Variants in CFAP54 observed in about 807,000 individuals in gnomAD.
The protein encoded by CFAP54 is cilia and flagella associated protein 54.
A neutral mutation model predicts 370.4 loss-of-function variants in CFAP54; 290 were observed. The ratio of observed to expected loss-of-function variants is 0.78; its 90% CI spans 0.71 to 0.86. The LOEUF is 0.86. Among genes scored for constraint, CFAP54 ranks in the 40% least tolerant of loss-of-function variants. The pLI is 0.00. For synonymous variants in CFAP54, 1,206 were observed against 1,236.5 expected (o/e 0.98, Z 0.52); for missense variants, 3,399 against 3,528.7 (o/e 0.96, Z 0.93).
chr12:96,793,890 CT>C (rs1314065600), intron 63 of CFAP54, among the ~76,000 whole-genome samples: 8 of 118,044 alleles, frequency 6.8e-5, no homozygotes, highest in African/African-American at 2.4e-4. Flanking sequence ...CCTTAGCCCA[CT>C]TTTTGATGGG....
At chr12:96,556,408 A>G (rs1955752053) in intron 17 of CFAP54, among the ~76,000 whole-genome samples, 1 of 151,700 alleles carries the variant, frequency 6.6e-6, no homozygotes, top group Non-Finnish European at 1.5e-5. Flanking sequence ...TTTTTTTTCA[A>G]ATTAAATGCT....
chr12:96,828,890 AT>A (rs1343809110), intron 65 of CFAP54, 123 bp from the exon 66 acceptor site: 1 of 491,974 alleles, frequency 2.0e-6, no homozygotes, highest in Admixed American at 3.4e-5. Flanking sequence ...CCTCTGTCTT[AT>A]CCTGGGAACA....
chr12:96,500,285 CAG>C (rs1461930568), intron 1 of CFAP54, among the ~76,000 whole-genome samples: 3 of 152,180 alleles, frequency 2.0e-5, no homozygotes, highest in African/African-American at 4.8e-5. Context: ...CAGTGGTTAA[CAG>C]AGATTAAGCG....
rs1565934522 is a variant in CFAP54 at position 96,664,783 on chromosome 12, A to ATATC, written c.5563+854_5563+855insCTAT. On this transcript the variant is annotated intron_variant, in intron 39 of 67. Transcript: ENST00000524981. ...TATATATCTATATCTATATCTATAT[A>ATATC]TATATATATATATATATATATATAT... Among the ~76,000 whole-genome samples the ATATC allele has an allele frequency of 4.1e-3, 61 of 14,788 alleles. 3 individuals are homozygous for ATATC. Among genetic ancestry groups the ATATC allele is most frequent in the Non-Finnish European group, 5.9e-3 (46 of 7,828 alleles). The allele number at this position is 14,788 out of a possible 152,430, so 9.7% of individuals were successfully genotyped here.
intron 48 of CFAP54, among the ~76,000 whole-genome samples, chr12:96,710,678 A>T (rs1484713755): frequency 1.8e-4 from 27 of 149,100 alleles, no homozygotes; most frequent in Admixed American, 2.7e-4. Flanking sequence ...TTTTTTTTTG[A>T]GATGGAGTTT....
intron 66 of CFAP54, among the ~76,000 whole-genome samples, chr12:96,853,804 T>G (rs1403741225): frequency 6.6e-6 from 1 of 152,124 alleles, no homozygotes. Context: ...ACTGCTTTAT[T>G]TTATCTTTCT....
rs143314566 is a variant in CFAP54 at position 96,538,879 on chromosome 12, A to G, written c.1926+361A>G. Among the ~76,000 whole-genome samples the G allele has an allele frequency of 5.3e-3, 799 of 151,538 alleles. 12 individuals carry two copies. The highest frequency in any genetic ancestry group is 0.018 in the African/African-American group (742 of 41,278). ...TGATCCTCCACAGCTCAGCCTCCCT[A>G]GTAGCTGGGACTACAGGCATACACC... On this transcript the variant is annotated intron_variant, in intron 13 of 67. Coordinates refer to ENST00000524981, the MANE Select transcript of CFAP54 (RefSeq NM_001306084.2).
At chr12:96,522,251 CTA>C in intron 8 of CFAP54, 62 bp downstream of exon 8, 1 of 1,114,920 alleles carries the variant, frequency 9.0e-7, no homozygotes, top group Non-Finnish European at 1.3e-6. Flanking sequence ...TATTATGCTC[CTA>C]TGTCTTTCAA....
chr12:96,846,285 C>T (rs1163321145), intron 66 of CFAP54, among the ~76,000 whole-genome samples: 1 of 152,168 alleles, frequency 6.6e-6, no homozygotes, highest in Non-Finnish European at 1.5e-5. Context: ...CCTTCCAGCC[C>T]CCAGTTATGA....
At chr12:96,754,149 C>G (rs1447851049) in intron 56 of CFAP54, among the ~76,000 whole-genome samples, 2 of 152,110 alleles carry the variant, frequency 1.3e-5, no homozygotes, top group Non-Finnish European at 2.9e-5. Context: ...TCTTCTTACA[C>G]AAAGTTTCAG....
intron 42 of CFAP54, 53 bp from the exon 43 acceptor site, chr12:96,688,863 A>G: frequency 9.4e-7 from 1 of 1,059,904 alleles, no homozygotes; most frequent in Admixed American, 2.2e-5. Context: ...TTTATATCAA[A>G]ATGTTTTTGG....
At chr12:96,771,665 A>T (rs1958464271) in intron 60 of CFAP54, among the ~76,000 whole-genome samples, 1 of 152,138 alleles carries the variant, frequency 6.6e-6, no homozygotes, top group South Asian at 2.1e-4. Context: ...AACAAAAAAC[A>T]AACAAACAAA....
rs1330049251 is a variant in CFAP54 at position 96,658,088 on chromosome 12, G to C, written c.5307G>C (p.Gln1769His). 1 of 1,612,398 alleles carries C rather than the reference G, an allele frequency of 6.2e-7. No homozygotes were observed. The highest frequency in any genetic ancestry group is 1.1e-5 in the South Asian group (1 of 90,912). Residue 1769 changes from glutamine (Q) to histidine (H), a missense_variant, in exon 37 of 68, where the codon CAG becomes CAC. Around this residue, in one of 3 missense-constraint regions of CFAP54, gnomAD observed 2,796 missense variants for 2,869.7 expected, o/e 0.97. Coordinates refer to ENST00000524981, the MANE Select transcript of CFAP54 (RefSeq NM_001306084.2). ...AAACACTAGTATCTCTTGCCATTCAGTTCAATACAGTTTCACAGTAAGTAC... is the reference window on the plus strand; with the variant it reads ...AAACACTAGTATCTCTTGCCATTCACTTCAATACAGTTTCACAGTAAGTAC... ...KWETLVSLAI[Q>H]FNTVSHERYT...
At chr12:96,544,439 TC>T (rs1233027278) in intron 14 of CFAP54, among the ~76,000 whole-genome samples, 22 of 151,264 alleles carry the variant, frequency 1.5e-4, no homozygotes, top group African/African-American at 5.1e-4. Flanking sequence ...TCTCTCTCTC[TC>T]TCTGACTTTC....
rs1385251006 is a variant in CFAP54, at chr12:96,513,065, A to G, written c.798+21A>G. On this transcript the variant is annotated intron_variant, in intron 5 of 67. Transcript: ENST00000524981. ...CCAAGGTATGAAATGTACTGACAAA[A>G]TATTTTCCCCTCTATTTCCTGTTTT... The G allele has an allele frequency of 8.4e-6, 12 of 1,425,190 alleles. No homozygotes were observed. In the African/African-American group the frequency reaches 1.7e-4, roughly 20 times the overall value. 88.3% of individuals were successfully genotyped at this position (1,425,190 alleles called of 1,614,324 possible).
intron 65 of CFAP54, among the ~76,000 whole-genome samples, chr12:96,828,727 A>G (rs576137904): frequency 6.6e-6 from 1 of 152,272 alleles, no homozygotes; most frequent in Admixed American, 6.5e-5. Flanking sequence ...CCTTTCAGGG[A>G]TCTGAAACTC....
intron 64 of CFAP54, among the ~76,000 whole-genome samples, chr12:96,812,169 A>G (rs1051082817): frequency 1.3e-5 from 2 of 152,202 alleles, no homozygotes; most frequent in Non-Finnish European, 2.9e-5. Flanking sequence ...CAGTTCATAC[A>G]TGCTTCATAG....
intron 39 of CFAP54, among the ~76,000 whole-genome samples, chr12:96,668,440 G>A (rs754055756): frequency 1.3e-5 from 2 of 152,162 alleles, no homozygotes; most frequent in Non-Finnish European, 2.9e-5. Context: ...AGGAGCAAAG[G>A]CACATCTTAT....
intron 17 of CFAP54, among the ~76,000 whole-genome samples, chr12:96,558,503 A>G (rs539217656): frequency 3.3e-5 from 5 of 152,332 alleles, no homozygotes; most frequent in African/African-American, 1.2e-4. Context: ...CTACAGAGCT[A>G]TAGTAACCAA....
Sources: allele counts gnomAD v4.1 joint callset (sites outside exome capture counted in the v4.1 genomes callset), GRCh38; gene constraint gnomAD v4.1.1; regional missense constraint gnomAD v4.1.1; transcripts MANE v1.5; gene names NCBI Gene and HGNC (gene_info 2026-07-23, HGNC 2026-07-21).